Variants in ANK2 observed in about 807,000 individuals in gnomAD.
The protein encoded by ANK2 is ankyrin-2.
In ANK2, 83 loss-of-function variants were observed where a neutral mutation model predicts 360.5. The ratio of observed to expected loss-of-function variants is 0.23; its 90% CI spans 0.19 to 0.28. The LOEUF is 0.28. ANK2 is among the 10% of genes least tolerant of loss of function. The pLI is 1.00. For synonymous variants in ANK2, 1,740 were observed against 1,759.5 expected, an observed-to-expected ratio of 0.99 and a Z score of 0.28; for missense variants, 4,201 against 4,795.7, an observed-to-expected ratio of 0.88 and a Z score of 3.66.
chr4:113,196,081 T>C (rs550881703), intron 2 of ANK2, among the ~76,000 whole-genome samples: 5 of 152,324 alleles, frequency 3.3e-5, no homozygotes, highest in African/African-American at 9.6e-5. Context: ...AAAATTGTTC[T>C]CTTTAAGTCA....
chr4:112,863,667 C>T (rs1176856567), intron 1 of ANK2, among the ~76,000 whole-genome samples: 2 of 151,770 alleles, frequency 1.3e-5, no homozygotes, highest in African/African-American at 4.8e-5. Context: ...GGACTGCAGG[C>T]GCCAGCCACC....
the ANK2 span, among the ~76,000 whole-genome samples, chr4:112,804,450 A>G: frequency 1.3e-5 from 2 of 152,188 alleles, no homozygotes; most frequent in Non-Finnish European, 2.9e-5. Flanking sequence ...TTAGCACTGC[A>G]TTTCAAGAAG....
Position 113,049,718 on chromosome 4 carries a change from A to G in ANK2, c.-11A>G. 6.2e-7 allele frequency: 1 copy of G among 1,612,932 alleles called. No individual in the cohort carries two copies. On this transcript the variant is annotated 5_prime_UTR_variant, in exon 1 of 46. Transcript: ENST00000357077. ...TGATGGCAGAGATATTTTCTTTCCA[A>G]ACTGTTCAAAATGATGAACGAAGAT...
rs2153558610 is a variant in ANK2, at chr4:113,237,603, T to C, written c.674T>C (p.Met225Thr). The stretch of plus-strand genomic sequence containing the variant: ...TTCCAAACAACACTGCTTCAGATGA[T>C]GGTGAATAGGACAACTGAGGTACAG... Reference protein sequence around the residue: ...DHNADVQSKMMVNRTTESGFT... With the variant: ...DHNADVQSKMTVNRTTESGFT... The change falls in exon 7 of 46, where the codon ATG becomes ACG. Residue 225 changes from methionine to threonine, a missense_variant. This residue lies in a region of ANK2 where 122 missense variants were observed against 239.3 expected (regional missense o/e 0.51). Coordinates refer to ENST00000357077, the MANE Select transcript of ANK2 (RefSeq NM_001148.6). The C allele has an allele frequency of 6.2e-7, 1 of 1,609,572 alleles. No homozygotes were observed. Among genetic ancestry groups the C allele is most frequent in the South Asian group, 1.1e-5 (1 of 90,982 alleles).
At chr4:112,790,787 C>T in the ANK2 span, among the ~76,000 whole-genome samples, 1 of 152,046 alleles carries the variant, frequency 6.6e-6, no homozygotes, top group Non-Finnish European at 1.5e-5. Context: ...ACACCCTGCC[C>T]AACTGTTCCT....
intron 1 of ANK2, among the ~76,000 whole-genome samples, chr4:113,062,059 G>C (rs1483590606): frequency 1.3e-5 from 2 of 152,008 alleles, no homozygotes; most frequent in African/African-American, 4.8e-5. Flanking sequence ...GCCATAGAAA[G>C]TTTTTTATTA....
chr4:112,870,126 G>C (rs2072364070), intron 1 of ANK2, among the ~76,000 whole-genome samples: 1 of 151,976 alleles, frequency 6.6e-6, no homozygotes, highest in South Asian at 2.1e-4. Context: ...AGCTTCCCTA[G>C]TAGCTGGGAC....
intron 24 of ANK2, among the ~76,000 whole-genome samples, chr4:113,317,299 A>G (rs997284642): frequency 9.9e-5 from 15 of 152,168 alleles, no homozygotes; most frequent in African/African-American, 3.4e-4. Flanking sequence ...AGGGCCATCT[A>G]CTTTCCTCCT....
intron 14 of ANK2, among the ~76,000 whole-genome samples, chr4:113,270,819 C>T (rs2058221386): frequency 1.3e-5 from 2 of 152,184 alleles, no homozygotes; most frequent in South Asian, 4.1e-4. Flanking sequence ...ATGTTTCAAG[C>T]AGCAAGAAGT....
the ANK2 span, among the ~76,000 whole-genome samples, chr4:112,744,612 A>G: frequency 1.3e-5 from 2 of 152,088 alleles, no homozygotes; most frequent in Non-Finnish European, 2.9e-5. Context: ...AGCCTCTCAA[A>G]GTGCTGGGAT....
chr4:112,999,023 C>G (rs544227953), intron 2 of ANK2, among the ~76,000 whole-genome samples: 2 of 152,122 alleles, frequency 1.3e-5, no homozygotes, highest in African/African-American at 4.8e-5. Flanking sequence ...TGTCTCCATA[C>G]TTGTATATGG....
At chr4:113,277,352 G>A (rs538009490) in intron 15 of ANK2, among the ~76,000 whole-genome samples, 20 of 152,110 alleles carry the variant, frequency 1.3e-4, no homozygotes, top group Non-Finnish European at 2.6e-4. Flanking sequence ...CAGAAAATAT[G>A]TCAACTAATT....
At chr4:113,254,979 T>TA (rs35135724) in intron 10 of ANK2, among the ~76,000 whole-genome samples, 1 of 151,922 alleles carries the variant, frequency 6.6e-6, no homozygotes, top group East Asian at 1.9e-4. Context: ...TATTTAGCTT[T>TA]AAAAAAAATG....
chr4:113,298,243 C>T (rs549101416), intron 22 of ANK2, among the ~76,000 whole-genome samples: 1 of 152,078 alleles, frequency 6.6e-6, no homozygotes, highest in South Asian at 2.1e-4. Context: ...ACAGTATTTA[C>T]ATAATATTTA....
chr4:113,253,994 G>A (rs2047929026), intron 10 of ANK2, among the ~76,000 whole-genome samples: 1 of 152,080 alleles, frequency 6.6e-6, no homozygotes, highest in African/African-American at 2.4e-5. Context: ...TATCGATCAT[G>A]CCCGTTATAA....
At chr4:112,924,594 T>C (rs1428471144) in intron 2 of ANK2, among the ~76,000 whole-genome samples, 1 of 151,826 alleles carries the variant, frequency 6.6e-6, no homozygotes, top group Non-Finnish European at 1.5e-5. Context: ...TGAAATTAGA[T>C]ATTATGTAGC....
chr4:112,856,379 G>A (rs1376481955), intron 1 of ANK2, among the ~76,000 whole-genome samples: 1 of 152,138 alleles, frequency 6.6e-6, no homozygotes, highest in Non-Finnish European at 1.5e-5. Context: ...CAGGTAAGCT[G>A]TACTTCTTCC....
At chr4:112,737,101 C>T in the ANK2 span, among the ~76,000 whole-genome samples, 2 of 152,162 alleles carry the variant, frequency 1.3e-5, no homozygotes, top group Non-Finnish European at 2.9e-5. Flanking sequence ...GTTACTTCCT[C>T]TCTAACTATC....
intron 1 of ANK2, among the ~76,000 whole-genome samples, chr4:113,139,869 A>T (rs1252109253): frequency 2.0e-5 from 3 of 152,232 alleles, no homozygotes; most frequent in Non-Finnish European, 4.4e-5. Context: ...TGTAAAATTA[A>T]ATTGGTTAAT....
Sources: gnomAD v4.1 joint callset for allele counts (sites outside exome capture counted in the v4.1 genomes callset) on GRCh38, gnomAD v4.1.1 for gene constraint, gnomAD v4.1.1 regional missense constraint, MANE v1.5 for transcripts, NCBI Gene and HGNC (gene_info 2026-07-23, HGNC 2026-07-21) for gene names.